CADM2: variants seen among roughly 807,000 people sequenced by gnomAD.
CADM2 encodes the protein cell adhesion molecule 2.
Under a neutral mutation model 49.8 loss-of-function variants are expected in CADM2, and 12 were observed. The observed-to-expected ratio is 0.24, with a 90% CI of 0.15 to 0.39. The LOEUF is 0.39. CADM2 is among the 10% of genes least tolerant of loss of function. The probability of loss-of-function intolerance (pLI) is 1.00; values close to 1 mark genes in which losing one functional copy is unlikely to be tolerated. For synonymous variants in CADM2, 214 were observed against 175.4 expected, an observed-to-expected ratio of 1.22 and a Z score of -1.74; for missense variants, 378 against 492.3, an observed-to-expected ratio of 0.77 and a Z score of 2.20.
intron 8 of CADM2, among the ~76,000 whole-genome samples, chr3:86,001,410 C>T (rs1455355180): frequency 6.6e-6 from 1 of 151,814 alleles, no homozygotes; most frequent in East Asian, 1.9e-4. Flanking sequence ...TTAGAAACCA[C>T]GAACTTGTAG....
chr3:85,538,243 A>C (rs908898075), intron 1 of CADM2, among the ~76,000 whole-genome samples: 17 of 152,256 alleles, frequency 1.1e-4, no homozygotes, highest in African/African-American at 3.1e-4. Flanking sequence ...ACACTCATAT[A>C]GTCCCTTTAA....
chr3:85,287,546 A>G (rs2043664055), intron 1 of CADM2, among the ~76,000 whole-genome samples: 1 of 152,132 alleles, frequency 6.6e-6, no homozygotes, highest in African/African-American at 2.4e-5. Context: ...TCCTAAAAAA[A>G]GATTATTCTT....
intron 1 of CADM2, among the ~76,000 whole-genome samples, chr3:85,154,947 C>T (rs972947392): frequency 6.6e-6 from 1 of 151,558 alleles, no homozygotes; most frequent in Non-Finnish European, 1.5e-5. Flanking sequence ...AAGTGCTAAA[C>T]ATGGAAAGGA....
intron 1 of CADM2, among the ~76,000 whole-genome samples, chr3:85,158,964 T>C (rs1020759284): frequency 2.6e-5 from 4 of 152,102 alleles, no homozygotes; most frequent in Non-Finnish European, 5.9e-5. Flanking sequence ...GACGTCTGCG[T>C]GTGTGTTAGT....
chr3:85,904,382 G>T (rs1456928969), intron 5 of CADM2, among the ~76,000 whole-genome samples: 1 of 152,134 alleles, frequency 6.6e-6, no homozygotes, highest in Non-Finnish European at 1.5e-5. Flanking sequence ...AATAAGAAAT[G>T]CTGGCAGCCT....
intron 1 of CADM2, among the ~76,000 whole-genome samples, chr3:85,150,981 A>C (rs2039905240): frequency 6.6e-6 from 1 of 151,242 alleles, no homozygotes; most frequent in Non-Finnish European, 1.5e-5. Context: ...CCTTTATAGA[A>C]TGCAATTAGA....
At chr3:85,915,313 A>G (rs1427961147) in intron 6 of CADM2, among the ~76,000 whole-genome samples, 1 of 152,142 alleles carries the variant, frequency 6.6e-6, no homozygotes, top group Non-Finnish European at 1.5e-5. Flanking sequence ...ATCTCATTCT[A>G]TCATGGTTTA....
In CADM2 at chr3:85,211,411, T is replaced by TA. The variant is rs777737883; in HGVS notation, c.61+251744dup. 3.3e-5 allele frequency among the ~76,000 whole-genome samples: 5 copies of TA among 152,204 alleles called. No individual in the cohort carries two copies. In the South Asian group the frequency reaches 1.0e-3, roughly 32 times the overall value. On this transcript the variant is annotated intron_variant, in intron 1 of 9. Transcript: ENST00000383699. ...GTTATTTGAAGTTTTTCTATTTTTTTATGTAGGCACTTATTGCTATAAACT... is the reference window on the plus strand; with the variant it reads ...GTTATTTGAAGTTTTTCTATTTTTTTAATGTAGGCACTTATTGCTATAAACT...
At chr3:84,987,748 C>A (rs1471025301) in intron 1 of CADM2, among the ~76,000 whole-genome samples, 8 of 152,246 alleles carry the variant, frequency 5.3e-5, no homozygotes, top group Non-Finnish European at 1.0e-4. Flanking sequence ...ATAGAACTTC[C>A]AAAGCAGTCA....
At chr3:85,951,999 C>T (rs1366975725) in intron 7 of CADM2, among the ~76,000 whole-genome samples, 2 of 150,664 alleles carry the variant, frequency 1.3e-5, no homozygotes, top group East Asian at 3.9e-4. Context: ...AATAGTGGGC[C>T]CCTCAGTTAA....
chr3:85,493,827 G>A (rs1353041952), intron 1 of CADM2, among the ~76,000 whole-genome samples: 1 of 152,132 alleles, frequency 6.6e-6, no homozygotes, highest in African/African-American at 2.4e-5. Flanking sequence ...GAAAGAAAAT[G>A]TCACTCAAGA....
intron 1 of CADM2, among the ~76,000 whole-genome samples, chr3:85,635,390 A>C (rs1026104977): frequency 6.6e-6 from 1 of 152,170 alleles, no homozygotes; most frequent in African/African-American, 2.4e-5. Flanking sequence ...TACAGAATTA[A>C]GTGAATATGT....
chr3:85,590,644 C>T lies in CADM2; in HGVS notation c.62-135878C>T, dbSNP rs556342351. Among the ~76,000 whole-genome samples the T allele has an allele frequency of 1.8e-4, 28 of 151,518 alleles. 1 individual carries two copies. Among genetic ancestry groups the T allele is most frequent in the African/African-American group, 5.3e-4 (22 of 41,352 alleles). On this transcript the variant is annotated intron_variant, in intron 1 of 9. Coordinates refer to ENST00000383699, the MANE Select transcript of CADM2 (RefSeq NM_001167675.2). ...AGAATGAAAAATAAACATTTAGGGA[C>T]AAGAATTAAAGGAAAGGCTTTGAAA...
chr3:85,577,281 G>A (rs559767244), intron 1 of CADM2, among the ~76,000 whole-genome samples: 24 of 152,282 alleles, frequency 1.6e-4, no homozygotes, highest in Non-Finnish European at 2.4e-4. Flanking sequence ...ATATAACGGG[G>A]TTGAAAATGG....
At chr3:85,733,925 A>C (rs1396709344) in intron 2 of CADM2, among the ~76,000 whole-genome samples, 1 of 152,134 alleles carries the variant, frequency 6.6e-6, no homozygotes, top group Non-Finnish European at 1.5e-5. Flanking sequence ...GTCTGTAATT[A>C]AATTCCCAAG....
intron 1 of CADM2, among the ~76,000 whole-genome samples, chr3:85,474,068 T>C (rs1452696756): frequency 6.6e-6 from 1 of 151,988 alleles, no homozygotes; most frequent in East Asian, 1.9e-4. Context: ...TAACATGTAA[T>C]ATTAAAAATT....
At chr3:85,858,203 G>T (rs2075387679) in intron 3 of CADM2, among the ~76,000 whole-genome samples, 1 of 152,180 alleles carries the variant, frequency 6.6e-6, no homozygotes, top group Admixed American at 6.5e-5. Context: ...GATAGCATAT[G>T]CTTAACTGCT....
chr3:84,967,948 G>T (rs1258987906), intron 1 of CADM2, among the ~76,000 whole-genome samples: 3 of 151,942 alleles, frequency 2.0e-5, no homozygotes, highest in Non-Finnish European at 4.4e-5. Flanking sequence ...ACAGAGAAAG[G>T]CCTGGCAAAG....
intron 1 of CADM2, among the ~76,000 whole-genome samples, chr3:85,651,025 A>G (rs188109372): frequency 6.4e-4 from 97 of 151,142 alleles, no homozygotes; most frequent in African/African-American, 2.2e-3. Flanking sequence ...AATGTGGTCC[A>G]CCTAGGTCAA....
Sources: gnomAD v4.1 joint callset for allele counts (sites outside exome capture counted in the v4.1 genomes callset) on GRCh38, gnomAD v4.1.1 for gene constraint, MANE v1.5 for transcripts, NCBI Gene and HGNC (gene_info 2026-07-23, HGNC 2026-07-21) for gene names.